SP2: variants seen among roughly 807,000 people sequenced by gnomAD.
SP2 encodes the protein transcription factor Sp2.
SP2 carries 9 observed loss-of-function variants against 50.1 expected under a neutral mutation model. The ratio of observed to expected loss-of-function variants is 0.18; its 90% CI spans 0.11 to 0.31. The LOEUF is 0.31. Ranked by LOEUF, SP2 falls within the 10% of genes least tolerant of loss-of-function variation. The pLI is 1.00. For missense variants in SP2, 581 were observed against 806.5 expected (o/e 0.72, Z 3.39); for synonymous variants, 313 against 326.6 (o/e 0.96, Z 0.45).
rs76106618 is a variant in SP2 at position 47,911,911 on chromosome 17, A to G, written c.8-3401A>G. On this transcript the variant is annotated intron_variant, in intron 1 of 6. Coordinates refer to ENST00000376741, the MANE Select transcript of SP2 (RefSeq NM_003110.6). ...CCTGAGACCCACCCCAGTTCGAGAC[A>G]CTTTGCAGCAGCAGACTTCTCAGCA... Among the ~76,000 whole-genome samples the G allele has an allele frequency of 1.9e-3, 283 of 152,234 alleles. 1 individual carries two copies. Among genetic ancestry groups the G allele is most frequent in the African/African-American group, 6.5e-3 (271 of 41,560 alleles).
chr17:47,921,706 G>A (rs2035464404), intron 3 of SP2, among the ~76,000 whole-genome samples: 2 of 152,196 alleles, frequency 1.3e-5, no homozygotes, highest in African/African-American at 4.8e-5. Flanking sequence ...TGGTGCAAGT[G>A]TTCCAAGCTT....
At chr17:47,911,371 G>A (rs1467646029) in intron 1 of SP2, among the ~76,000 whole-genome samples, 3 of 150,690 alleles carry the variant, frequency 2.0e-5, no homozygotes, top group South Asian at 4.2e-4. Context: ...GCAAAACCCC[G>A]TCTCTACTAA....
intron 1 of SP2, among the ~76,000 whole-genome samples, chr17:47,908,306 C>T (rs992871054): frequency 3.3e-5 from 5 of 152,148 alleles, no homozygotes; most frequent in Admixed American, 2.0e-4. Context: ...TATTTCGTCT[C>T]ATTTCATTTA....
chr17:47,925,118 C>A, intron 5 of SP2, 25 bp downstream of exon 5: 2 of 1,584,162 alleles, frequency 1.3e-6, no homozygotes, highest in South Asian at 2.3e-5. Flanking sequence ...AGGCCCAAGC[C>A]ACAAGGCTGG....
chr17:47,905,758 G>A (rs966430957), intron 1 of SP2, among the ~76,000 whole-genome samples: 1 of 152,176 alleles, frequency 6.6e-6, no homozygotes, highest in African/African-American at 2.4e-5. Flanking sequence ...AGTATGCACT[G>A]GCAGGTAGCA....
downstream of SP2, among the ~76,000 whole-genome samples, chr17:47,930,823 A>G (rs928784041): frequency 3.7e-4 from 56 of 152,044 alleles, no homozygotes; most frequent in African/African-American, 1.2e-3. Context: ...CGTCATGTGC[A>G]CCAAAGCCCA....
chr17:47,906,566 C>G (rs941652011), intron 1 of SP2, among the ~76,000 whole-genome samples: 1 of 152,192 alleles, frequency 6.6e-6, no homozygotes, highest in African/African-American at 2.4e-5. Flanking sequence ...CATAATGGCT[C>G]TTAAATTATG....
Position 47,928,898 on chromosome 17 carries a change from C to G in SP2, c.*1074C>G, listed in dbSNP as rs1223982387. On this transcript the variant is annotated 3_prime_UTR_variant, in exon 7 of 7. Transcript: ENST00000376741. ...TATTAACGTACTTTGTTGGTCAGCA[C>G]TGGGCTGACAAAAATTTTTTCTTGC... 1 of 152,666 alleles carries G rather than the reference C, an allele frequency of 6.6e-6. No homozygotes were observed. The highest frequency in any genetic ancestry group is 1.5e-5 in the Non-Finnish European group (1 of 68,042). 9.5% of individuals were successfully genotyped at this position (152,666 alleles called of 1,614,324 possible). A position where few individuals can be genotyped will look rare whatever the true frequency, so the allele number is the denominator to read the frequency against.
chr17:47,925,310 TC>T, intron 5 of SP2, 37 bp from the exon 6 acceptor site: 4 of 1,579,020 alleles, frequency 2.5e-6, no homozygotes, highest in Non-Finnish European at 3.5e-6. Flanking sequence ...TCTCTCCTCT[TC>T]CTATTCCCTC....
At chr17:47,904,571 G>C (rs901177861) in intron 1 of SP2, among the ~76,000 whole-genome samples, 2 of 151,968 alleles carry the variant, frequency 1.3e-5, no homozygotes, top group East Asian at 1.9e-4. Flanking sequence ...TGGCGGAGTG[G>C]GGGGAGATGG....
intron 1 of SP2, chr17:47,897,862 G>A (rs1567685484): frequency 1.0e-6 from 1 of 985,238 alleles, no homozygotes; most frequent in Non-Finnish European, 1.2e-6. Flanking sequence ...TGATGTCAGT[G>A]TTCCAGTGGC....
chr17:47,897,593 G>T (rs906745794), intron 1 of SP2, among the ~76,000 whole-genome samples: 4 of 152,234 alleles, frequency 2.6e-5, no homozygotes, highest in Non-Finnish European at 5.9e-5. Flanking sequence ...AAGGCATTCA[G>T]TTTCACAGTG....
At chr17:47,909,422 T>G (rs2034893922) in intron 1 of SP2, among the ~76,000 whole-genome samples, 1 of 151,968 alleles carries the variant, frequency 6.6e-6, no homozygotes, top group African/African-American at 2.4e-5. Context: ...GGAGGACTTA[T>G]TTTTTTTAAT....
At chr17:47,918,235 G>A (rs1275733058) in intron 3 of SP2, among the ~76,000 whole-genome samples, 1 of 152,156 alleles carries the variant, frequency 6.6e-6, no homozygotes, top group East Asian at 1.9e-4. Context: ...GGGTGGAGAA[G>A]AGAGCCTTTG....
chr17:47,911,970 C>A (rs2035007861), intron 1 of SP2, among the ~76,000 whole-genome samples: 1 of 152,188 alleles, frequency 6.6e-6, no homozygotes, highest in Non-Finnish European at 1.5e-5. Context: ...TAGCCCCAGA[C>A]AAACTAGACT....
At chr17:47,921,957 CAT>C (rs1387384337) in intron 3 of SP2, among the ~76,000 whole-genome samples, 6 of 152,212 alleles carry the variant, frequency 3.9e-5, no homozygotes, top group East Asian at 1.9e-4. Context: ...GACACACACA[CAT>C]GTATACACAT....
chr17:47,904,571 G>A (rs901177861), intron 1 of SP2, among the ~76,000 whole-genome samples: 2 of 151,966 alleles, frequency 1.3e-5, no homozygotes, highest in South Asian at 2.1e-4. Flanking sequence ...TGGCGGAGTG[G>A]GGGGAGATGG....
intron 1 of SP2, among the ~76,000 whole-genome samples, chr17:47,912,619 A>G (rs1211180342): frequency 6.6e-6 from 1 of 151,702 alleles, no homozygotes; most frequent in East Asian, 1.9e-4. Context: ...TAATTTTTAA[A>G]TTTTTTGTAC....
intron 3 of SP2, among the ~76,000 whole-genome samples, chr17:47,921,749 C>T (rs932591176): frequency 6.6e-6 from 1 of 152,196 alleles, no homozygotes; most frequent in Non-Finnish European, 1.5e-5. Context: ...ACCCTGGAAT[C>T]AGCTATTTCT....
Sources: allele counts gnomAD v4.1 joint callset (sites outside exome capture counted in the v4.1 genomes callset), GRCh38; gene constraint gnomAD v4.1.1; transcripts MANE v1.5; gene names NCBI Gene and HGNC (gene_info 2026-07-23, HGNC 2026-07-21).